Variants in CYP27A1 observed in about 807,000 individuals in gnomAD.
The protein encoded by CYP27A1 is cytochrome P450 family 27 subfamily A member 1.
A neutral mutation model predicts 58.2 loss-of-function variants in CYP27A1; 46 were observed. The ratio of observed to expected loss-of-function variants is 0.79; its 90% confidence interval spans 0.62 to 1.01. The LOEUF (loss-of-function observed/expected upper bound fraction) is 1.01, where lower values mean the gene tolerates loss of function less well. Ranked by LOEUF, CYP27A1 falls within the 50% of genes least tolerant of loss-of-function variation. CYP27A1 has a pLI of 0.00. For missense variants in CYP27A1, 704 were observed against 687.0 expected, an observed-to-expected ratio of 1.02 and a Z score of -0.28; for synonymous variants, 274 against 285.1, an observed-to-expected ratio of 0.96 and a Z score of 0.39.
intron 2 of CYP27A1, among the ~76,000 whole-genome samples, chr2:218,810,249 A>G (rs1369040112): frequency 6.6e-6 from 1 of 151,998 alleles, no homozygotes; most frequent in East Asian, 1.9e-4. Context: ...ACTGCACTCC[A>G]GCCTGGGCAA....
chr2:218,802,950 A>C (rs1386843605), intron 1 of CYP27A1, among the ~76,000 whole-genome samples: 1 of 152,046 alleles, frequency 6.6e-6, no homozygotes, highest in Non-Finnish European at 1.5e-5. Context: ...TAATTAATTA[A>C]TTTATTTATT....
At chr2:218,797,357 C>G (rs1943557490) in intron 1 of CYP27A1, among the ~76,000 whole-genome samples, 1 of 152,136 alleles carries the variant, frequency 6.6e-6, no homozygotes, top group Non-Finnish European at 1.5e-5. Context: ...TACCTTGCCT[C>G]CCAAAGTGCA....
At chr2:218,809,442 C>CGTTT in intron 1 of CYP27A1, 135 bp from the exon 2 acceptor site, 3 of 369,560 alleles carry the variant, frequency 8.1e-6, no homozygotes, top group South Asian at 6.0e-5. Context: ...ACACAATGCC[C>CGTTT]TTTTTTTTTT....
chr2:218,812,894 G>A, intron 4 of CYP27A1, 30 bp from the exon 5 acceptor site: 1 of 1,614,128 alleles, frequency 6.2e-7, no homozygotes, highest in East Asian at 2.2e-5. Context: ...TTTTGGCTTT[G>A]TCCTTTCCTC....
rs1302481089 is a variant in CYP27A1, at chr2:218,815,052, G to T, written c.*22G>T. The T allele has an allele frequency of 3.1e-6, 5 of 1,614,056 alleles. No individual in the cohort carries two copies. The highest frequency in any genetic ancestry group is 4.2e-6 in the Non-Finnish European group (5 of 1,179,984). ...CTGAGCTGAGTCTCCGCCTTGCTGG[G>T]GCTTGTCCTAGAGGCTCCAGCTCTG... is the stretch of plus-strand genomic sequence containing the variant. On this transcript the variant is annotated 3_prime_UTR_variant, in exon 9 of 9. Coordinates refer to ENST00000258415, the MANE Select transcript of CYP27A1 (RefSeq NM_000784.4).
intron 1 of CYP27A1, among the ~76,000 whole-genome samples, chr2:218,792,162 C>T (rs555200526): frequency 6.6e-6 from 1 of 152,224 alleles, no homozygotes; most frequent in South Asian, 2.1e-4. Context: ...GCTTTAAGGA[C>T]TCAGGAAGGA....
At chr2:218,805,516 T>G (rs1291226438) in intron 1 of CYP27A1, among the ~76,000 whole-genome samples, 1 of 152,202 alleles carries the variant, frequency 6.6e-6, no homozygotes, top group Non-Finnish European at 1.5e-5. Context: ...TAGGAACATA[T>G]GTAATCAAAT....
chr2:218,790,355 T>C (rs1181391481), intron 1 of CYP27A1, among the ~76,000 whole-genome samples: 1 of 152,256 alleles, frequency 6.6e-6, no homozygotes, highest in Non-Finnish European at 1.5e-5. Context: ...ACTACTGTTA[T>C]GACTATCAAG....
chr2:218,793,087 GTT>G (rs1432775404), intron 1 of CYP27A1, among the ~76,000 whole-genome samples: 1 of 152,116 alleles, frequency 6.6e-6, no homozygotes, highest in Non-Finnish European at 1.5e-5. Flanking sequence ...TTGTTTGTTT[GTT>G]TTTTGAGACA....
intron 1 of CYP27A1, among the ~76,000 whole-genome samples, chr2:218,792,084 C>G (rs1439686835): frequency 6.6e-6 from 1 of 151,928 alleles, no homozygotes; most frequent in Non-Finnish European, 1.5e-5. Flanking sequence ...CACACACACA[C>G]ATTTAATTTG....
At chr2:218,783,693 G>A (rs1295292699) in intron 1 of CYP27A1, among the ~76,000 whole-genome samples, 2 of 152,192 alleles carry the variant, frequency 1.3e-5, no homozygotes, top group African/African-American at 4.8e-5. Context: ...TTCTAAGGTT[G>A]GGGAAGAGGG....
At chr2:218,797,733 A>G (rs1943560521) in intron 1 of CYP27A1, among the ~76,000 whole-genome samples, 1 of 152,230 alleles carries the variant, frequency 6.6e-6, no homozygotes, top group Non-Finnish European at 1.5e-5. Context: ...TGACTCAGAA[A>G]CTTAAAAGCA....
chr2:218,797,384 G>C (rs898823814), intron 1 of CYP27A1, among the ~76,000 whole-genome samples: 8 of 152,150 alleles, frequency 5.3e-5, no homozygotes. Flanking sequence ...ACAGGCACGA[G>C]CCGTTGCGCC....
In CYP27A1 at chr2:218,812,710, A is replaced by G; in HGVS notation, c.805A>G (p.Lys269Glu). ...KWTRPVLPFW[K>E]RYLDGWNAIF... ...GACTCGCCCCGTGCTGCCTTTCTGG[A>G]AGCGATACCTGGATGGTTGGAATGC... The change falls in exon 4 of 9, where the codon AAG becomes GAG. Residue 269 changes from lysine (K) to glutamate (E), a missense_variant. Lys to Glu is a moderately conservative substitution (Grantham distance 56). Transcript: ENST00000258415. The G allele has an allele frequency of 6.2e-7, 1 of 1,614,188 alleles. No individual in the cohort carries two copies. Among genetic ancestry groups the G allele is most frequent in the Non-Finnish European group, 8.5e-7 (1 of 1,180,036 alleles).
At chr2:218,802,435 C>A (rs1340978668) in intron 1 of CYP27A1, among the ~76,000 whole-genome samples, 1 of 151,990 alleles carries the variant, frequency 6.6e-6, no homozygotes, top group Admixed American at 6.6e-5. Flanking sequence ...CCTATAAGGT[C>A]TTTACTATTT....
intron 2 of CYP27A1, among the ~76,000 whole-genome samples, chr2:218,811,839 A>C (rs781394597): frequency 6.6e-6 from 1 of 152,236 alleles, no homozygotes; most frequent in Non-Finnish European, 1.5e-5. Context: ...GCACTGAGCT[A>C]AGCACTTGAA....
At chr2:218,798,568 C>CAGTT (rs998535722) in intron 1 of CYP27A1, among the ~76,000 whole-genome samples, 4 of 152,112 alleles carry the variant, frequency 2.6e-5, no homozygotes, top group African/African-American at 9.7e-5. Flanking sequence ...ACCCAAAAGG[C>CAGTT]AGTTTAGAAC....
chr2:218,792,209 T>C (rs1015381592), intron 1 of CYP27A1, among the ~76,000 whole-genome samples: 2 of 152,210 alleles, frequency 1.3e-5, no homozygotes, highest in Non-Finnish European at 2.9e-5. Context: ...AGTCCATGCT[T>C]AACATTGGAC....
At chr2:218,805,557 A>G (rs1943642969) in intron 1 of CYP27A1, among the ~76,000 whole-genome samples, 1 of 152,190 alleles carries the variant, frequency 6.6e-6, no homozygotes, top group Admixed American at 6.5e-5. Flanking sequence ...CACTAGGATA[A>G]GAACTCCTTA....
Sources: allele counts gnomAD v4.1 joint callset (sites outside exome capture counted in the v4.1 genomes callset), GRCh38; gene constraint gnomAD v4.1.1; transcripts MANE v1.5; gene names NCBI Gene and HGNC (gene_info 2026-07-23, HGNC 2026-07-21).